Variants in MTOR observed in about 807,000 individuals in gnomAD.
MTOR encodes the protein serine/threonine-protein kinase mTOR.
A neutral mutation model predicts 319.8 loss-of-function variants in MTOR; 70 were observed. The observed-to-expected ratio is 0.22, with a 90% CI of 0.18 to 0.27. MTOR has a LOEUF of 0.27. Among genes scored for constraint, MTOR ranks in the 10% least tolerant of loss-of-function variants. The pLI, the probability that MTOR is intolerant of heterozygous loss-of-function variation, is 1.00. For synonymous variants in MTOR, 1,183 were observed against 1,211.4 expected (o/e 0.98, Z 0.49); for missense variants, 1,890 against 3,274.4 (o/e 0.58, Z 10.32).
Position 11,128,696 on chromosome 1 carries a change from T to C in MTOR, c.5812-144A>G. 9.5e-7 allele frequency: 1 copy of C among 1,050,870 alleles called. No homozygotes were observed. Among genetic ancestry groups the C allele is most frequent in the South Asian group, 1.5e-5 (1 of 66,326 alleles). The allele number at this position is 1,050,870 out of a possible 1,614,324, so 65.1% of individuals were successfully genotyped here. ...CTTCCCTTTAGTTTCTAAAAGAAAA[T>C]AAAGAAAATATGGACACTTGACACT... On this transcript the variant is annotated intron_variant, in intron 41 of 57. Coordinates refer to ENST00000361445, the MANE Select transcript of MTOR (RefSeq NM_004958.4). The surrounding 1 kb of genome is among the most constrained non-coding windows in gnomAD (Gnocchi z 5.3).
intron 19 of MTOR, among the ~76,000 whole-genome samples, chr1:11,222,069 A>G (rs565607496): frequency 6.6e-6 from 1 of 151,966 alleles, no homozygotes; most frequent in South Asian, 2.1e-4. Flanking sequence ...TCATTATACT[A>G]AAAAATTGAT....
chr1:11,130,324 A>G (rs1643072162), intron 39 of MTOR, among the ~76,000 whole-genome samples: 1 of 152,258 alleles, frequency 6.6e-6, no homozygotes, highest in South Asian at 2.1e-4. Context: ...TCTTCAGCAT[A>G]GAGGCTGCGT....
chr1:11,194,675 A>C (rs1645710448), intron 28 of MTOR: 8 of 1,613,966 alleles, frequency 5.0e-6, no homozygotes, highest in Non-Finnish European at 6.8e-6. Flanking sequence ...ATTTGGGGGG[A>C]CCGGAAAGGA....
At chr1:11,118,470 C>T (rs1272923859) in intron 49 of MTOR, among the ~76,000 whole-genome samples, 1 of 151,332 alleles carries the variant, frequency 6.6e-6, no homozygotes, top group Non-Finnish European at 1.5e-5. Flanking sequence ...CTCCTGACCT[C>T]GTGATCCGCC....
intron 34 of MTOR, among the ~76,000 whole-genome samples, chr1:11,141,996 G>A (rs746623830): frequency 6.6e-4 from 100 of 150,930 alleles, no homozygotes; most frequent in Non-Finnish European, 1.1e-3. Flanking sequence ...GCGAGACTCC[G>A]TCTCAAAAAT....
chr1:11,180,965 C>T (rs902704710), intron 28 of MTOR, among the ~76,000 whole-genome samples: 1 of 151,978 alleles, frequency 6.6e-6, no homozygotes, highest in African/African-American at 2.4e-5. Flanking sequence ...TTAATAGAGA[C>T]GGGGTTTCAC....
chr1:11,167,279 GAC>G (rs1438250510), intron 29 of MTOR, among the ~76,000 whole-genome samples, 161 bp downstream of exon 29: 1 of 151,752 alleles, frequency 6.6e-6, no homozygotes, highest in Non-Finnish European at 1.5e-5. Flanking sequence ...AGTCCCTACA[GAC>G]ACAGTTTATC....
In MTOR at chr1:11,127,560, CATTTT is replaced by C. The variant is rs1642903984; in HGVS notation, c.6216+59_6216+63del. 3 of 1,504,940 alleles carry C rather than the reference CATTTT, an allele frequency of 2.0e-6. No homozygotes were observed. In the South Asian group the frequency reaches 4.0e-5, roughly 20 times the overall value. 93.2% of individuals were successfully genotyped at this position (1,504,940 alleles called of 1,614,324 possible). A position where few individuals can be genotyped will look rare whatever the true frequency, so the allele number is the denominator to read the frequency against. On this transcript the variant is annotated intron_variant, in intron 44 of 57. Transcript: ENST00000361445. This position sits in a 1 kb window ranked among gnomAD's most constrained non-coding sequence, Gnocchi z 5.5. ...CATTCTATAAAAACTTTTCTCATTT[CATTTT>C]TTTTTAGTGGCAGAATATTTCTACA...
chr1:11,126,579 T>C, intron 46 of MTOR, 43 bp downstream of exon 46: 1 of 1,599,144 alleles, frequency 6.3e-7, no homozygotes, highest in Non-Finnish European at 8.5e-7. Flanking sequence ...TCAGCCAGTG[T>C]AGGAGGGAGA....
intron 28 of MTOR, among the ~76,000 whole-genome samples, chr1:11,190,823 TC>T (rs1291282723): frequency 1.3e-5 from 2 of 152,158 alleles, no homozygotes; most frequent in African/African-American, 4.8e-5. Context: ...AAACCATTGG[TC>T]CCATTATAAA....
At chr1:11,238,974 C>G (rs1156301890) in intron 11 of MTOR, among the ~76,000 whole-genome samples, 1 of 150,558 alleles carries the variant, frequency 6.6e-6, no homozygotes, top group Non-Finnish European at 1.5e-5. Context: ...CAGCGTTTCA[C>G]CATGTTAGCT....
chr1:11,143,532 C>T (rs1643810956), intron 34 of MTOR, among the ~76,000 whole-genome samples: 1 of 152,188 alleles, frequency 6.6e-6, no homozygotes, highest in African/African-American at 2.4e-5. Flanking sequence ...TTCATAATTA[C>T]TAATAAAACA....
At chr1:11,191,283 T>TA (rs1645520925) in intron 28 of MTOR, among the ~76,000 whole-genome samples, 1 of 152,200 alleles carries the variant, frequency 6.6e-6, no homozygotes, top group Non-Finnish European at 1.5e-5. Context: ...TATAAGTAGG[T>TA]AGTCCCTTAG....
chr1:11,135,642 T>C (rs1643369980), intron 36 of MTOR, among the ~76,000 whole-genome samples: 1 of 152,026 alleles, frequency 6.6e-6, no homozygotes, highest in Non-Finnish European at 1.5e-5. Flanking sequence ...CAGACCAGCC[T>C]GGCCAACATG....
At chr1:11,236,948 T>C (rs1647294764) in intron 13 of MTOR, among the ~76,000 whole-genome samples, 1 of 152,352 alleles carries the variant, frequency 6.6e-6, no homozygotes, top group Middle Eastern at 3.4e-3. Flanking sequence ...TACAACTTCC[T>C]AATTTGTTGA....
In MTOR at chr1:11,121,139, A is replaced by G. The variant is rs1380700134; in HGVS notation, c.6933+107T>C. On this transcript the variant is annotated intron_variant, in intron 49 of 57. Coordinates refer to ENST00000361445, the MANE Select transcript of MTOR (RefSeq NM_004958.4). This position sits in a 1 kb window ranked among gnomAD's most constrained non-coding sequence, Gnocchi z 4.9. Reference sequence around the variant, plus strand: ...AAAGTCTGGACACGCTCTACAGCCAATCACAGCAAAGAAGAGCCGCTGTGT... The same window carrying G: ...AAAGTCTGGACACGCTCTACAGCCAGTCACAGCAAAGAAGAGCCGCTGTGT... 1.2e-5 allele frequency: 17 copies of G among 1,469,180 alleles called. No individual in the cohort carries two copies. The highest frequency in any genetic ancestry group is 1.6e-5 in the Non-Finnish European group (17 of 1,096,658). The allele number at this position is 1,469,180 out of a possible 1,614,324, so 91.0% of individuals were successfully genotyped here.
intron 19 of MTOR, among the ~76,000 whole-genome samples, chr1:11,219,350 T>C (rs1379818235): frequency 6.6e-6 from 1 of 152,182 alleles, no homozygotes; most frequent in Admixed American, 6.5e-5. Context: ...AGTTGTGATG[T>C]GGGGTCTAGG....
chr1:11,204,377 C>T (rs1283742237), intron 26 of MTOR, among the ~76,000 whole-genome samples, 184 bp downstream of exon 26: 2 of 152,206 alleles, frequency 1.3e-5, no homozygotes, highest in African/African-American at 4.8e-5. Flanking sequence ...TTGTGGTCTA[C>T]TAGCAAGGTT....
intron 26 of MTOR, among the ~76,000 whole-genome samples, chr1:11,203,264 A>T (rs541064179): frequency 5.9e-5 from 9 of 152,232 alleles, no homozygotes; most frequent in African/African-American, 2.2e-4. Flanking sequence ...AACAACAACA[A>T]AAAAAGATGT....
Sources: gnomAD v4.1 joint callset for allele counts (sites outside exome capture counted in the v4.1 genomes callset) on GRCh38, gnomAD v4.1.1 for gene constraint, Gnocchi (gnomAD v3.1) non-coding constraint, MANE v1.5 for transcripts, NCBI Gene and HGNC (gene_info 2026-07-23, HGNC 2026-07-21) for gene names.